Variants in PIGS observed in about 807,000 individuals in gnomAD.
The protein encoded by PIGS is GPI-anchor transamidase component PIGS.
A neutral mutation model predicts 58.2 loss-of-function variants in PIGS; 37 were observed. That is an observed-to-expected ratio of 0.64 (90% confidence interval 0.49 to 0.84). The LOEUF (loss-of-function observed/expected upper bound fraction) is 0.84. PIGS is among the 40% of genes least tolerant of loss of function. PIGS has a pLI of 0.00. For missense variants in PIGS, 629 were observed against 710.8 expected, an observed-to-expected ratio of 0.88 and a Z score of 1.31; for synonymous variants, 269 against 289.2, an observed-to-expected ratio of 0.93 and a Z score of 0.71.
chr17:28,560,359 AGCTGCCGGGC>A, intron 6 of PIGS, 168 bp from the exon 7 acceptor site: 1 of 766,902 alleles, frequency 1.3e-6, no homozygotes, highest in Non-Finnish European at 2.0e-6. Flanking sequence ...AGTAAGAAAA[AGCTGCCGGGC>A]GCTGTGGCTC....
intron 6 of PIGS, among the ~76,000 whole-genome samples, chr17:28,560,929 G>A (rs902518586): frequency 6.6e-6 from 1 of 152,024 alleles, no homozygotes; most frequent in Non-Finnish European, 1.5e-5. Flanking sequence ...ACTCCAGTCT[G>A]GGCAACAGAG....
At chr17:28,571,363 C>A (rs1055369223) in intron 1 of PIGS, 100 bp downstream of exon 1, 2 of 1,546,146 alleles carry the variant, frequency 1.3e-6, no homozygotes, top group Non-Finnish European at 1.8e-6. Flanking sequence ...ACCCCCGAGC[C>A]CCCCGTCCGC....
chr17:28,555,009 C>G lies in PIGS; in HGVS notation c.1234G>C (p.Gly412Arg), dbSNP rs2070317621. ...PQLPPKCLLS[G>R]PTSEGLMTWE... ...GTCATTAGCCCTTCACTCGTAGGCC[C>G]TGAAAGCAGGCATTTTGGAGGCAGC... The change falls in exon 11 of 12, where the codon GGG (glycine) becomes CGG (arginine). Residue 412 changes from glycine to arginine, a missense_variant. Transcript: ENST00000308360. The G allele has an allele frequency of 1.9e-6, 3 of 1,610,912 alleles. No homozygotes were observed. The highest frequency in any genetic ancestry group is 2.5e-6 in the Non-Finnish European group (3 of 1,178,438).
chr17:28,561,466 T>C lies in PIGS; in HGVS notation c.632A>G (p.Asp211Gly). 6.2e-7 allele frequency: 1 copy of C among 1,614,008 alleles called. No homozygotes were observed. The highest frequency in any genetic ancestry group is 1.1e-5 in the South Asian group (1 of 91,048). ...CCGCCTCTTCTCAGCGCTCCACTTG[T>C]CCTCTGGAAGGTGGTCAGCCAGAGC... Reference protein sequence around the residue: ...AAALADHLPEDKWSAEKRRPL... With the variant: ...AAALADHLPEGKWSAEKRRPL... Residue 211 changes from aspartate to glycine, a missense_variant, in exon 6 of 12, where the codon GAC (aspartate) becomes GGC (glycine). Transcript: ENST00000308360.
At chr17:28,554,641 G>T (rs2070314505) in intron 11 of PIGS, 146 bp from the exon 12 acceptor site, 2 of 1,251,420 alleles carry the variant, frequency 1.6e-6, no homozygotes, top group Non-Finnish European at 2.2e-6. Flanking sequence ...CAGGGATATG[G>T]TTTATTTTCC....
chr17:28,555,999 C>T, intron 10 of PIGS, 167 bp downstream of exon 10: 2 of 619,086 alleles, frequency 3.2e-6, no homozygotes, highest in Non-Finnish European at 5.7e-6. Context: ...TTGTCACCTA[C>T]TAGTCCTTCT....
chr17:28,567,969 C>A (rs2070403338), intron 3 of PIGS, among the ~76,000 whole-genome samples: 1 of 152,202 alleles, frequency 6.6e-6, no homozygotes, highest in Admixed American at 6.5e-5. Context: ...CTCGAATGTC[C>A]TCTTTTCAAT....
At position 28,553,888 on chromosome 17, in the gene PIGS, A is replaced by T. The variant is rs1165809149; in HGVS notation, c.*332T>A. 2 of 339,148 alleles carry T rather than the reference A, an allele frequency of 5.9e-6. No individual in the cohort carries two copies. The highest frequency in any genetic ancestry group is 1.1e-5 in the Non-Finnish European group (2 of 179,972). 21.0% of individuals were successfully genotyped at this position (339,148 alleles called of 1,614,324 possible). A position where few individuals can be genotyped will look rare whatever the true frequency, so the allele number is the denominator to read the frequency against. Reference sequence around the variant, plus strand: ...CCATAATGCTCCCTCCTCTCAGTGCACAAGTGTGCTATGTTGAGAAATGGG... The same window carrying T: ...CCATAATGCTCCCTCCTCTCAGTGCTCAAGTGTGCTATGTTGAGAAATGGG... On this transcript the variant is annotated 3_prime_UTR_variant, in exon 12 of 12. Transcript: ENST00000308360.
rs747861748 is a variant in PIGS, at chr17:28,557,017, G to C, written c.935-45C>G. 5.6e-5 allele frequency: 90 copies of C among 1,610,754 alleles called. No individual in the cohort carries two copies. In the Admixed American group the frequency reaches 9.4e-4, roughly 17 times the overall value. ...CAGAATATCAAAACATGCTGGACCT[G>C]GACCTTAGTCCCAGGTCGGCCTCTA... On this transcript the variant is annotated intron_variant, in intron 8 of 11. Coordinates refer to ENST00000308360, the MANE Select transcript of PIGS (RefSeq NM_033198.4).
intron 3 of PIGS, among the ~76,000 whole-genome samples, chr17:28,567,626 T>C (rs2070401653): frequency 6.6e-6 from 1 of 152,302 alleles, no homozygotes; most frequent in Non-Finnish European, 1.5e-5. Context: ...GCTAACTTAG[T>C]TAGGTGTGAC....
chr17:28,564,287 G>T (rs946321005), intron 3 of PIGS, among the ~76,000 whole-genome samples: 1 of 152,148 alleles, frequency 6.6e-6, no homozygotes, highest in African/African-American at 2.4e-5. Flanking sequence ...AAATACACAG[G>T]CTGGGCACGG....
Position 28,554,483 on chromosome 17 carries a change from C to A in PIGS, c.1405G>T (p.Val469Leu). The change falls in exon 12 of 12, where the codon GTA becomes TTA. Residue 469 changes from valine to leucine, a missense_variant. Transcript: ENST00000308360. Reference protein sequence around the residue: ...DDVASEVYKAVAAVQKSAEEL... With the variant: ...DDVASEVYKALAAVQKSAEEL... ...TCTGCCGACTTCTGGACGGCAGCTA[C>A]AGCCTTGTACACCTAGGAAGGAGAA... The A allele has an allele frequency of 6.2e-7, 1 of 1,614,038 alleles. No individual in the cohort carries two copies. The highest frequency in any genetic ancestry group is 1.1e-5 in the South Asian group (1 of 91,076).
At position 28,571,488 on chromosome 17, in the gene PIGS, G is replaced by A. The variant is rs184954024; in HGVS notation, c.9C>T (p.Ala3=). MA[A]AGAAATHLEV... Reference sequence around the variant, plus strand: ...CTAGGTGTGTAGCCGCAGCCCCGGCGGCCGCCATGCTAGCTTCCGGCTGCT... The same window carrying A: ...CTAGGTGTGTAGCCGCAGCCCCGGCAGCCGCCATGCTAGCTTCCGGCTGCT... Residue 3 remains alanine, a synonymous_variant, in exon 1 of 12, where the codon GCC becomes GCT. Coordinates refer to ENST00000308360, the MANE Select transcript of PIGS (RefSeq NM_033198.4). The A allele has an allele frequency of 6.2e-7, 1 of 1,608,044 alleles. No homozygotes were observed. The highest frequency in any genetic ancestry group is 8.5e-7 in the Non-Finnish European group (1 of 1,177,674).
At position 28,556,968 on chromosome 17, in the gene PIGS, G is replaced by C. The variant is rs1172949756; in HGVS notation, c.939C>G (p.Ser313=). ...GCACAGGGTACAAGGAGGCAGCACT[G>C]GATCCTGTGGTATAAAGGGAAAGCA... ...VINPVESRLG[S]SAASLYPVLN... The change falls in exon 9 of 12, where the codon TCC becomes TCG. Residue 313 remains serine (S), a synonymous_variant. Coordinates refer to ENST00000308360, the MANE Select transcript of PIGS (RefSeq NM_033198.4). The C allele has an allele frequency of 1.2e-6, 2 of 1,613,902 alleles. No homozygotes were observed. The highest frequency in any genetic ancestry group is 2.7e-5 in the African/African-American group (2 of 74,894).
rs559940502 is a variant in PIGS, at chr17:28,558,752, C to G, written c.820-162G>C. On this transcript the variant is annotated intron_variant, in intron 7 of 11. Transcript: ENST00000308360. Reference sequence around the variant, plus strand: ...ATAATTGCAGAAGAAAATAGCAAAGCCAAGGGTAAACTGAATAAACTAAAT... The same window carrying G: ...ATAATTGCAGAAGAAAATAGCAAAGGCAAGGGTAAACTGAATAAACTAAAT... Among the ~76,000 whole-genome samples the G allele has an allele frequency of 3.1e-4, 47 of 152,190 alleles. No homozygotes were observed. In the East Asian group the frequency reaches 7.7e-3, roughly 25 times the overall value.
rs1347989046 is a variant in PIGS at position 28,554,835 on chromosome 17, T to C, written c.1392+16A>G. On this transcript the variant is annotated intron_variant, in intron 11 of 11. Coordinates refer to ENST00000308360, the MANE Select transcript of PIGS (RefSeq NM_033198.4). Reference sequence around the variant, plus strand: ...CTCCAGTCCCAAGCTGCAGAATCCATCCCCTGCCTGCTTACCTCAGATGCC... The same window carrying C: ...CTCCAGTCCCAAGCTGCAGAATCCACCCCCTGCCTGCTTACCTCAGATGCC... The C allele has an allele frequency of 1.9e-6, 3 of 1,613,624 alleles. No homozygotes were observed. The highest frequency in any genetic ancestry group is 1.1e-5 in the South Asian group (1 of 91,064).
At chr17:28,566,873 G>A (rs1234428676) in intron 3 of PIGS, among the ~76,000 whole-genome samples, 1 of 152,242 alleles carries the variant, frequency 6.6e-6, no homozygotes, top group South Asian at 2.1e-4. Flanking sequence ...GATTACAGGC[G>A]TGAGCCACTG....
At chr17:28,554,752 A>ACATACCAT (rs2070315026) in intron 11 of PIGS, 99 bp downstream of exon 11, 1 of 1,482,612 alleles carries the variant, frequency 6.7e-7, no homozygotes, top group African/African-American at 1.4e-5. Context: ...GCAAGCCCAC[A>ACATACCAT]CATACCATGG....
At position 28,561,574 on chromosome 17, in the gene PIGS, T is replaced by G. The variant is rs1456648347; in HGVS notation, c.524A>C (p.His175Pro). 1 of 1,613,638 alleles carries G rather than the reference T, an allele frequency of 6.2e-7. No homozygotes were observed. Among genetic ancestry groups the G allele is most frequent in the Non-Finnish European group, 8.5e-7 (1 of 1,179,860 alleles). ...GCCAATGATGTTAAAGGCCTCCCGGTGCATTATCCCCCGCACCACTGCTGT... is the reference window on the plus strand; with the variant it reads ...GCCAATGATGTTAAAGGCCTCCCGGGGCATTATCCCCCGCACCACTGCTGT... ...KRTAVVRGIM[H>P]REAFNIIGRR... The change falls in exon 6 of 12, where the codon CAC becomes CCC. Residue 175 changes from histidine to proline, a missense_variant. Physicochemically the swap from His to Pro is moderately conservative, Grantham distance 77. Transcript: ENST00000308360.
Sources: gnomAD v4.1 joint callset for allele counts (sites outside exome capture counted in the v4.1 genomes callset) on GRCh38, gnomAD v4.1.1 for gene constraint, MANE v1.5 for transcripts, NCBI Gene and HGNC (gene_info 2026-07-23, HGNC 2026-07-21) for gene names.